SLC10A7: variants seen among roughly 807,000 people sequenced by gnomAD.
The protein encoded by SLC10A7 is sodium/bile acid cotransporter 7.
SLC10A7 carries 29 observed loss-of-function variants against 43.2 expected under a neutral mutation model. That is an observed-to-expected ratio of 0.67 (90% CI 0.50 to 0.92). The LOEUF is 0.92. Among genes scored for constraint, SLC10A7 ranks in the 40% least tolerant of loss-of-function variants. The pLI, the probability that SLC10A7 is intolerant of heterozygous loss-of-function variation, is 0.00. For missense variants in SLC10A7, 295 were observed against 403.2 expected (o/e 0.73, Z 2.30); for synonymous variants, 152 against 144.8 (o/e 1.05, Z -0.35).
chr4:146,410,922 C>T (rs987894443), intron 5 of SLC10A7, among the ~76,000 whole-genome samples: 1 of 152,076 alleles, frequency 6.6e-6, no homozygotes, highest in African/African-American at 2.4e-5. Context: ...CAACCTCCGC[C>T]TCTCCAGTTC....
intron 3 of SLC10A7, among the ~76,000 whole-genome samples, chr4:146,508,952 C>T (rs545162166): frequency 3.3e-5 from 5 of 152,284 alleles, no homozygotes; most frequent in African/African-American, 1.2e-4. Flanking sequence ...CTCTACATCA[C>T]CAGGCTCTGG....
intron 2 of SLC10A7, among the ~76,000 whole-genome samples, chr4:146,511,976 T>A (rs1011756908): frequency 2.1e-5 from 3 of 145,078 alleles, no homozygotes; most frequent in African/African-American, 5.2e-5. Context: ...ACTCTTTTTT[T>A]TTTTTTTTTT....
rs759972912 is a variant in SLC10A7 at position 146,472,561 on chromosome 4, G to A, written c.397-29740C>T. Among the ~76,000 whole-genome samples, 4 of 151,870 alleles carry A rather than the reference G, an allele frequency of 2.6e-5. No homozygotes were observed. In the East Asian group the frequency reaches 5.8e-4, roughly 22 times the overall value. The stretch of plus-strand genomic sequence containing the variant: ...CCAGCTGGGATAGGAAGAGGGCAGC[G>A]GGCTCATGCATTAACATAATAATCC... On this transcript the variant is annotated intron_variant, in intron 4 of 11. Coordinates refer to ENST00000335472, the MANE Select transcript of SLC10A7 (RefSeq NM_001029998.6).
chr4:146,308,483 A>T (rs1731740800), intron 6 of SLC10A7, among the ~76,000 whole-genome samples: 1 of 151,912 alleles, frequency 6.6e-6, no homozygotes, highest in Non-Finnish European at 1.5e-5. Flanking sequence ...AAACCCAATC[A>T]CTCTGCATGC....
At chr4:146,330,788 C>T (rs986160180) in intron 5 of SLC10A7, among the ~76,000 whole-genome samples, 4 of 152,064 alleles carry the variant, frequency 2.6e-5, no homozygotes, top group African/African-American at 9.7e-5. Context: ...GATGGCTGTG[C>T]CTTTGCCAGA....
At position 146,386,763 on chromosome 4, in the gene SLC10A7, C is replaced by G. The variant is rs187137266; in HGVS notation, c.435+56020G>C. 2.3e-4 allele frequency among the ~76,000 whole-genome samples: 35 copies of G among 152,264 alleles called. No homozygotes were observed. In the East Asian group the frequency reaches 3.7e-3, roughly 16 times the overall value. On this transcript the variant is annotated intron_variant, in intron 5 of 11. Transcript: ENST00000335472. ...CATAAAACGTACTCTTCTAAATATT[C>G]CTTCAGTTATATGTGCCTCTTTTTA...
intron 9 of SLC10A7, among the ~76,000 whole-genome samples, chr4:146,287,129 T>TTTGGAGTGGTGAGAAGGATGGA (rs1560764869): frequency 2.0e-5 from 3 of 147,146 alleles, no homozygotes; most frequent in African/African-American, 7.6e-5. Context: ...AGAAGGACCG[T>TTTGGAGTGGTGAGAAGGATGGA]GTCTGGAGTG....
intron 10 of SLC10A7, among the ~76,000 whole-genome samples, chr4:146,260,629 T>C (rs1466490238): frequency 1.3e-5 from 2 of 152,180 alleles, no homozygotes; most frequent in Non-Finnish European, 2.9e-5. Context: ...AAAAGTTCTA[T>C]TGATGAGGAA....
chr4:146,374,641 C>CACACACACACAG (rs1737046048), intron 5 of SLC10A7, among the ~76,000 whole-genome samples: 2 of 142,790 alleles, frequency 1.4e-5, no homozygotes, highest in African/African-American at 5.3e-5. Flanking sequence ...CACACACACA[C>CACACACACACAG]ACACACACAC....
intron 5 of SLC10A7, among the ~76,000 whole-genome samples, chr4:146,422,737 CTACT>C (rs536041946): frequency 6.6e-6 from 1 of 152,090 alleles, no homozygotes; most frequent in African/African-American, 2.4e-5. Context: ...TAAGATAATC[CTACT>C]TAGATTGTTT....
At chr4:146,317,434 A>G (rs932194930) in intron 6 of SLC10A7, among the ~76,000 whole-genome samples, 1 of 152,124 alleles carries the variant, frequency 6.6e-6, no homozygotes, top group African/African-American at 2.4e-5. Context: ...AAATTAACAA[A>G]TGATTAAGAT....
At chr4:146,403,099 CTGTT>C (rs1219400031) in intron 5 of SLC10A7, among the ~76,000 whole-genome samples, 3 of 152,156 alleles carry the variant, frequency 2.0e-5, no homozygotes, top group Non-Finnish European at 2.9e-5. Context: ...AATCCACTAT[CTGTT>C]TGTTATTACT....
At chr4:146,274,200 CTT>C (rs35963098) in intron 10 of SLC10A7, among the ~76,000 whole-genome samples, 38 of 118,518 alleles carry the variant, frequency 3.2e-4, no homozygotes, top group South Asian at 5.9e-4. Context: ...TCAGATTATA[CTT>C]TTTTTTTTTT....
chr4:146,318,240 T>C (rs2149696907), intron 6 of SLC10A7, among the ~76,000 whole-genome samples: 1 of 152,186 alleles, frequency 6.6e-6, no homozygotes, highest in South Asian at 2.1e-4. Context: ...ATCACTGTCT[T>C]TAACTCTTCT....
rs185608912 is a variant in SLC10A7, at chr4:146,369,816, G to A, written c.436-43820C>T. 1.9e-4 allele frequency among the ~76,000 whole-genome samples: 29 copies of A among 152,040 alleles called. No homozygotes were observed. In the East Asian group the frequency reaches 5.6e-3, roughly 29 times the overall value. On this transcript the variant is annotated intron_variant, in intron 5 of 11. Coordinates refer to ENST00000335472, the MANE Select transcript of SLC10A7 (RefSeq NM_001029998.6). The stretch of plus-strand genomic sequence containing the variant: ...TGATAAATATCAAATGATACTATAA[G>A]CATAAAACTTAATTGTACAGACTGC...
At chr4:146,455,096 C>T (rs549459851) in intron 4 of SLC10A7, among the ~76,000 whole-genome samples, 4 of 151,798 alleles carry the variant, frequency 2.6e-5, no homozygotes, top group African/African-American at 9.6e-5. Context: ...AAAACAAATG[C>T]TTCTCTAATT....
chr4:146,355,864 G>A (rs1010793256), intron 5 of SLC10A7, among the ~76,000 whole-genome samples: 9 of 116,104 alleles, frequency 7.8e-5, no homozygotes, highest in Admixed American at 4.4e-4. Flanking sequence ...ACAGGAAGGG[G>A]AATATCACAC....
At chr4:146,446,744 CTAT>C (rs1731121350) in intron 4 of SLC10A7, among the ~76,000 whole-genome samples, 1 of 19,888 alleles carries the variant, frequency 5.0e-5, no homozygotes. Context: ...GAAGGTTTAT[CTAT>C]CTATCTATCT....
intron 5 of SLC10A7, among the ~76,000 whole-genome samples, chr4:146,334,714 T>C (rs1560808649): frequency 6.6e-6 from 1 of 152,042 alleles, no homozygotes; most frequent in Non-Finnish European, 1.5e-5. Flanking sequence ...AGGGTTTAAC[T>C]TGTAGAACAG....
Sources: gnomAD v4.1 joint callset for allele counts (sites outside exome capture counted in the v4.1 genomes callset) on GRCh38, gnomAD v4.1.1 for gene constraint, MANE v1.5 for transcripts, NCBI Gene and HGNC (gene_info 2026-07-23, HGNC 2026-07-21) for gene names.